Variants in RABGEF1 observed in about 807,000 individuals in gnomAD.
RABGEF1 encodes the protein rab5 GDP/GTP exchange factor.
RABGEF1 carries 26 observed loss-of-function variants against 57.3 expected under a neutral mutation model. That is an observed-to-expected ratio of 0.45 (90% CI 0.33 to 0.63). RABGEF1 has a LOEUF of 0.63. Among genes scored for constraint, RABGEF1 ranks in the 20% least tolerant of loss-of-function variants. The pLI is 0.02. For missense variants in RABGEF1, 464 were observed against 607.6 expected (o/e 0.76, Z 2.48); for synonymous variants, 185 against 210.7 (o/e 0.88, Z 1.06).
chr7:66,707,538 A>G lies in RABGEF1; in HGVS notation c.-872-4629A>G, dbSNP rs1270649939. The stretch of plus-strand genomic sequence containing the variant: ...CCCTGTCTCTACTAAAAATGCAAAA[A>G]CCAGCCAGTCGTGGTGGCACACACC... On this transcript the variant is annotated intron_variant and NMD_transcript_variant, in intron 1 of 9. Coordinates refer to the RABGEF1 transcript ENST00000607882. Among the ~76,000 whole-genome samples, 41 of 151,994 alleles carry G rather than the reference A, an allele frequency of 2.7e-4. 1 individual carries two copies. The highest frequency in any genetic ancestry group is 2.7e-3 in the Admixed American group (41 of 15,242).
the RABGEF1 span, chr7:66,667,369 A>C: frequency 6.6e-6 from 1 of 152,166 alleles, no homozygotes; most frequent in East Asian, 1.9e-4. Context: ...GTTCCCGCTG[A>C]TCCCTTGTTT....
chr7:66,693,236 C>T (rs1791805831), intron 1 of RABGEF1, among the ~76,000 whole-genome samples: 1 of 152,148 alleles, frequency 6.6e-6, no homozygotes, highest in African/African-American at 2.4e-5. Flanking sequence ...CAGAGCCGGG[C>T]TGAATGGGTG....
chr7:66,784,352 G>A (rs867381772), intron 4 of RABGEF1, among the ~76,000 whole-genome samples: 118 of 152,310 alleles, frequency 7.7e-4, no homozygotes, highest in African/African-American at 2.7e-3. Context: ...TGAGGAAGTT[G>A]AGAGCCAAAG....
intron 2 of RABGEF1, among the ~76,000 whole-genome samples, chr7:66,722,371 C>T (rs556558484): frequency 7.9e-5 from 12 of 152,266 alleles, no homozygotes; most frequent in African/African-American, 2.9e-4. Flanking sequence ...ACCTAGTAGA[C>T]GGAGGTTGCA....
Position 66,694,485 on chromosome 7 carries a change from C to T in RABGEF1, c.-873+12227C>T, listed in dbSNP as rs538033310. On this transcript the variant is annotated intron_variant and NMD_transcript_variant, in intron 1 of 9. Transcript: ENST00000607882. ...AAGGACCAGGCCACAGAGGGCCCGG[C>T]GGGGCCTGGAGGGCAGTGGGAAGCC... 3.9e-5 allele frequency among the ~76,000 whole-genome samples: 6 copies of T among 152,290 alleles called. No homozygotes were observed. The South Asian group carries it at 1.0e-3, about 26-fold the overall frequency.
intron 1 of RABGEF1, among the ~76,000 whole-genome samples, chr7:66,752,632 A>G (rs139329582): frequency 7.0e-4 from 107 of 152,264 alleles, no homozygotes; most frequent in African/African-American, 2.5e-3. Context: ...TGTTTTCTTT[A>G]TAGCAGTGGT....
At chr7:66,734,731 C>T (rs1387875252) in intron 2 of RABGEF1, among the ~76,000 whole-genome samples, 2 of 151,846 alleles carry the variant, frequency 1.3e-5, no homozygotes, top group East Asian at 1.9e-4. Context: ...CCGTGCCTGG[C>T]CCCAAAGGAG....
chr7:66,727,361 C>T (rs1302257828), intron 2 of RABGEF1, among the ~76,000 whole-genome samples: 2 of 152,226 alleles, frequency 1.3e-5, no homozygotes, highest in Non-Finnish European at 1.5e-5. Context: ...GGGCTTCCTC[C>T]AATACCTTCC....
intron 2 of RABGEF1, among the ~76,000 whole-genome samples, chr7:66,713,107 A>T (rs1471228526): frequency 6.8e-6 from 1 of 147,728 alleles, no homozygotes. Flanking sequence ...GAATCACCAC[A>T]CCCAGCCCTT....
At chr7:66,728,254 AC>A in intron 2 of RABGEF1, among the ~76,000 whole-genome samples, 1 of 151,652 alleles carries the variant, frequency 6.6e-6, no homozygotes, top group East Asian at 1.9e-4. Flanking sequence ...CTGGTTCTTC[AC>A]TCACATTAGC....
intron 1 of RABGEF1, among the ~76,000 whole-genome samples, chr7:66,701,617 T>C (rs1322073534): frequency 1.3e-5 from 2 of 151,352 alleles, no homozygotes; most frequent in East Asian, 3.9e-4. Context: ...CAAGCAATTC[T>C]CCTGCCTCAG....
chr7:66,780,151 G>A (rs1809544202), intron 3 of RABGEF1, among the ~76,000 whole-genome samples: 1 of 152,198 alleles, frequency 6.6e-6, no homozygotes, highest in African/African-American at 2.4e-5. Flanking sequence ...CCTGTGTTTT[G>A]ACTGGTGTAC....
At chr7:66,765,590 A>G (rs1805495624) in intron 1 of RABGEF1, among the ~76,000 whole-genome samples, 1 of 152,116 alleles carries the variant, frequency 6.6e-6, no homozygotes, top group Non-Finnish European at 1.5e-5. Flanking sequence ...ATCATTCAGG[A>G]CGTACAGGAC....
At chr7:66,686,265 A>G (rs1458860723) in intron 1 of RABGEF1, among the ~76,000 whole-genome samples, 1 of 151,164 alleles carries the variant, frequency 6.6e-6, no homozygotes, top group African/African-American at 2.4e-5. Context: ...TGGGCAACAA[A>G]GTGAGACTCT....
At chr7:66,730,777 C>T (rs1466774025) in intron 2 of RABGEF1, among the ~76,000 whole-genome samples, 3 of 152,100 alleles carry the variant, frequency 2.0e-5, no homozygotes, top group Non-Finnish European at 2.9e-5. Context: ...AGGCTGGCCT[C>T]GAACTCCTGA....
the RABGEF1 span, among the ~76,000 whole-genome samples, chr7:66,664,575 G>A: frequency 5.9e-5 from 9 of 152,074 alleles, no homozygotes; most frequent in African/African-American, 2.2e-4. Context: ...CTACACTGCA[G>A]CCCGGGCAAC....
upstream of RABGEF1, among the ~76,000 whole-genome samples, chr7:66,737,577 A>G (rs905197988): frequency 1.3e-5 from 2 of 152,354 alleles, no homozygotes; most frequent in Middle Eastern, 3.4e-3. Context: ...ACAATTAAAA[A>G]AAAGATGAAA....
intron 8 of RABGEF1, 110 bp downstream of exon 8, chr7:66,805,506 G>T: frequency 1.3e-6 from 2 of 1,493,342 alleles, no homozygotes; most frequent in Non-Finnish European, 1.8e-6. Context: ...GTGTGAGAAG[G>T]CAGCATGGCT....
the RABGEF1 span, among the ~76,000 whole-genome samples, chr7:66,676,505 A>G: frequency 1.3e-5 from 2 of 152,194 alleles, no homozygotes; most frequent in Non-Finnish European, 2.9e-5. Flanking sequence ...TATTTGGTTA[A>G]ATAAATCCAT....
Sources: allele counts gnomAD v4.1 joint callset (sites outside exome capture counted in the v4.1 genomes callset), GRCh38; gene constraint gnomAD v4.1.1; transcripts MANE v1.5; gene names NCBI Gene and HGNC (gene_info 2026-07-23, HGNC 2026-07-21).